Variants in TNFSF4 observed in about 807,000 individuals in gnomAD.
The protein encoded by TNFSF4 is tumor necrosis factor ligand superfamily member 4.
TNFSF4 carries 4 observed loss-of-function variants against 7.3 expected under a neutral mutation model. The ratio of observed to expected loss-of-function variants is 0.55; its 90% CI spans 0.27 to 1.25. The LOEUF (loss-of-function observed/expected upper bound fraction) is 1.25, where lower values mean the gene tolerates loss of function less well. Among genes scored for constraint, TNFSF4 ranks in the 50% most tolerant of loss-of-function variants. TNFSF4 has a pLI of 0.12. For synonymous variants in TNFSF4, 76 were observed against 83.7 expected, an observed-to-expected ratio of 0.91 and a Z score of 0.50; for missense variants, 181 against 208.8, an observed-to-expected ratio of 0.87 and a Z score of 0.82.
At chr1:173,197,900 G>A (rs1442821712) in intron 1 of TNFSF4, among the ~76,000 whole-genome samples, 7 of 151,962 alleles carry the variant, frequency 4.6e-5, no homozygotes, top group Non-Finnish European at 7.4e-5. Context: ...CTTTAGTTTT[G>A]GATTCTAAAT....
chr1:173,407,071 T>C, the TNFSF4 span, among the ~76,000 whole-genome samples: 3 of 151,972 alleles, frequency 2.0e-5, no homozygotes, highest in Non-Finnish European at 4.4e-5. Context: ...TGCTGGCACC[T>C]GAGTGGAGTA....
rs1306410281 is a variant in TNFSF4, at chr1:173,186,221, G to C, written c.*295C>G. ...ACCAATAGAAACAATGCATCTTGAA[G>C]AAGAGGCATCTATTTTTTCTTTCTC... On this transcript the variant is annotated 3_prime_UTR_variant, in exon 3 of 3. Transcript: ENST00000281834. 1 of 296,548 alleles carries C rather than the reference G, an allele frequency of 3.4e-6. No homozygotes were observed. The highest frequency in any genetic ancestry group is 6.3e-6 in the Non-Finnish European group (1 of 159,456). 18.4% of individuals were successfully genotyped at this position (296,548 alleles called of 1,614,324 possible). A position where few individuals can be genotyped will look rare whatever the true frequency, so the allele number is the denominator to read the frequency against.
the TNFSF4 span, among the ~76,000 whole-genome samples, chr1:173,365,316 C>G: frequency 6.6e-6 from 1 of 152,154 alleles, no homozygotes. Flanking sequence ...TCATTTTCTA[C>G]AGAAGCAACA....
At chr1:173,322,941 A>G in the TNFSF4 span, among the ~76,000 whole-genome samples, 2 of 152,220 alleles carry the variant, frequency 1.3e-5, no homozygotes, top group Non-Finnish European at 2.9e-5. Context: ...GCCTGCCTCT[A>G]TAGACTCCAC....
chr1:173,411,802 A>C, the TNFSF4 span, among the ~76,000 whole-genome samples: 1 of 151,798 alleles, frequency 6.6e-6, no homozygotes, highest in South Asian at 2.1e-4. Flanking sequence ...CTCTCTCAAA[A>C]AATAAAAATA....
the TNFSF4 span, among the ~76,000 whole-genome samples, chr1:173,294,330 T>A: frequency 6.6e-6 from 1 of 152,052 alleles, no homozygotes; most frequent in African/African-American, 2.4e-5. Context: ...GAGGCTATCA[T>A]CCTAAGTAAA....
chr1:173,255,309 G>A, the TNFSF4 span, among the ~76,000 whole-genome samples: 1 of 152,130 alleles, frequency 6.6e-6, no homozygotes, highest in Admixed American at 6.5e-5. Flanking sequence ...CAGGACGATT[G>A]GTGAAGGAAA....
At chr1:173,317,939 A>G in the TNFSF4 span, among the ~76,000 whole-genome samples, 1 of 152,338 alleles carries the variant, frequency 6.6e-6, no homozygotes, top group Admixed American at 6.5e-5. Flanking sequence ...AAATATTACA[A>G]TAATTACAAA....
intron 1 of TNFSF4, among the ~76,000 whole-genome samples, chr1:173,199,435 GAGA>G (rs1649847050): frequency 6.6e-6 from 1 of 152,132 alleles, no homozygotes; most frequent in African/African-American, 2.4e-5. Flanking sequence ...TGTCCTTGAA[GAGA>G]AGGAGAAGAC....
chr1:173,419,905 C>T, the TNFSF4 span, among the ~76,000 whole-genome samples: 12 of 150,456 alleles, frequency 8.0e-5, no homozygotes, highest in East Asian at 1.2e-3. Context: ...GTTTGTGTGG[C>T]GGGGGGGGGG....
the TNFSF4 span, among the ~76,000 whole-genome samples, chr1:173,308,593 C>T: frequency 6.6e-6 from 1 of 151,772 alleles, no homozygotes; most frequent in East Asian, 1.9e-4. Flanking sequence ...ACTGTTGCTG[C>T]TAAAACTACT....
chr1:173,335,569 T>C, the TNFSF4 span, among the ~76,000 whole-genome samples: 1 of 152,202 alleles, frequency 6.6e-6, no homozygotes, highest in Non-Finnish European at 1.5e-5. Flanking sequence ...CAGCTGTTCC[T>C]AGAAATGAAA....
the TNFSF4 span, among the ~76,000 whole-genome samples, chr1:173,288,937 T>G: frequency 9.2e-5 from 14 of 152,028 alleles, no homozygotes; most frequent in Non-Finnish European, 1.9e-4. Flanking sequence ...AAATGGAATT[T>G]TTAAGAGAAA....
chr1:173,210,732 G>C (rs967259675), upstream of TNFSF4, among the ~76,000 whole-genome samples: 1 of 152,060 alleles, frequency 6.6e-6, no homozygotes, highest in Admixed American at 6.6e-5. Flanking sequence ...TTCTAGGGGG[G>C]GGAAAAGAGA....
chr1:173,220,720 C>T, the TNFSF4 span, among the ~76,000 whole-genome samples: 11 of 152,078 alleles, frequency 7.2e-5, no homozygotes, highest in African/African-American at 1.7e-4. Context: ...CAAATCTGGA[C>T]GAAGGCCCTC....
the TNFSF4 span, among the ~76,000 whole-genome samples, chr1:173,314,677 G>A: frequency 6.6e-6 from 1 of 152,118 alleles, no homozygotes; most frequent in African/African-American, 2.4e-5. Context: ...TGCAGCCACT[G>A]TTGAAAAAAG....
At chr1:173,253,106 C>T in the TNFSF4 span, among the ~76,000 whole-genome samples, 1 of 152,176 alleles carries the variant, frequency 6.6e-6, no homozygotes, top group African/African-American at 2.4e-5. Context: ...CAATGTCTTG[C>T]TTTTCCCCTG....
At chr1:173,445,946 A>G in the TNFSF4 span, among the ~76,000 whole-genome samples, 4 of 152,342 alleles carry the variant, frequency 2.6e-5, no homozygotes, top group East Asian at 7.7e-4. Flanking sequence ...AGTCTGAACA[A>G]AACCAGTGTG....
At chr1:173,426,990 T>C in the TNFSF4 span, among the ~76,000 whole-genome samples, 2 of 152,118 alleles carry the variant, frequency 1.3e-5, no homozygotes, top group Non-Finnish European at 2.9e-5. Context: ...AAAAACGCCA[T>C]GCAGGAGGAA....
Sources: gnomAD v4.1 joint callset for allele counts (sites outside exome capture counted in the v4.1 genomes callset) on GRCh38, gnomAD v4.1.1 for gene constraint, MANE v1.5 for transcripts, NCBI Gene and HGNC (gene_info 2026-07-23, HGNC 2026-07-21) for gene names.